IKZF2: variants seen among roughly 807,000 people sequenced by gnomAD.
The protein encoded by IKZF2 is zinc finger protein Helios.
Under a neutral mutation model 49.2 loss-of-function variants are expected in IKZF2, and 15 were observed. That is an observed-to-expected ratio of 0.30 (90% CI 0.20 to 0.47). IKZF2 has a LOEUF of 0.47. IKZF2 is among the 20% of genes least tolerant of loss of function. The pLI, the probability that IKZF2 is intolerant of heterozygous loss-of-function variation, is 1.00. For synonymous variants in IKZF2, 227 were observed against 221.4 expected (o/e 1.03, Z -0.23); for missense variants, 567 against 664.6 (o/e 0.85, Z 1.61).
rs71744347 is a variant in IKZF2, at chr2:213,005,193, G to GA, written c.*2166_*2167insT. On this transcript the variant is annotated 3_prime_UTR_variant, in exon 9 of 9. Transcript: ENST00000434687. Reference sequence around the variant, plus strand: ...ATTATTATTTGGGAGTGGTTGGGTGGGGGGGGGTGAGCGAGTCTCAAAAAC... The same window carrying GA: ...ATTATTATTTGGGAGTGGTTGGGTGGAGGGGGGGTGAGCGAGTCTCAAAAAC... The GA allele has an allele frequency of 7.4e-6, 1 of 135,190 alleles. No individual in the cohort carries two copies. Among genetic ancestry groups the GA allele is most frequent in the Non-Finnish European group, 1.6e-5 (1 of 62,028 alleles). 8.4% of individuals were successfully genotyped at this position (135,190 alleles called of 1,614,324 possible).
At chr2:213,026,932 G>T (rs746845143) in intron 6 of IKZF2, among the ~76,000 whole-genome samples, 24 of 151,800 alleles carry the variant, frequency 1.6e-4, no homozygotes, top group Non-Finnish European at 2.5e-4. Flanking sequence ...CTTTTATTAC[G>T]TTAATGATTA....
intron 4 of IKZF2, among the ~76,000 whole-genome samples, chr2:213,135,283 T>G (rs2060616899): frequency 6.6e-6 from 1 of 152,240 alleles, no homozygotes; most frequent in East Asian, 1.9e-4. Context: ...AATATTGATA[T>G]GTCATTTTAA....
In IKZF2 at chr2:213,101,570, A is replaced by G. The variant is rs148312320; in HGVS notation, c.140-44471T>C. Among the ~76,000 whole-genome samples the G allele has an allele frequency of 7.0e-4, 106 of 152,166 alleles. 1 individual carries two copies. In the East Asian group the frequency reaches 0.019, roughly 28 times the overall value. On this transcript the variant is annotated intron_variant, in intron 4 of 8. Coordinates refer to ENST00000434687, the MANE Select transcript of IKZF2 (RefSeq NM_001387220.1). Reference sequence around the variant, plus strand: ...GAGATTACAAAAAAAAAATTAGTTCAAATGAAGGAAATCCTTACCTAGGCT... The same window carrying G: ...GAGATTACAAAAAAAAAATTAGTTCGAATGAAGGAAATCCTTACCTAGGCT...
At position 213,060,439 on chromosome 2, in the gene IKZF2, A is replaced by G. The variant is rs558828647; in HGVS notation, c.140-3340T>C. On this transcript the variant is annotated intron_variant, in intron 4 of 8. Coordinates refer to ENST00000434687, the MANE Select transcript of IKZF2 (RefSeq NM_001387220.1). ...ATTCAGAGTGCTTTACTTTTCAAAT[A>G]TTTGAAATTAGATTTATATGAAATT... 2.0e-5 allele frequency among the ~76,000 whole-genome samples: 3 copies of G among 151,578 alleles called. No individual in the cohort carries two copies. In the East Asian group the frequency reaches 5.8e-4, roughly 29 times the overall value.
At chr2:213,054,645 G>A (rs1345917518) in intron 5 of IKZF2, among the ~76,000 whole-genome samples, 2 of 152,074 alleles carry the variant, frequency 1.3e-5, no homozygotes, top group African/African-American at 4.8e-5. Flanking sequence ...CTCCGTAAAT[G>A]GCTATTAACT....
At chr2:213,026,321 C>T (rs1234895510) in intron 6 of IKZF2, among the ~76,000 whole-genome samples, 1 of 152,150 alleles carries the variant, frequency 6.6e-6, no homozygotes, top group East Asian at 1.9e-4. Flanking sequence ...TATTGACCCT[C>T]ATGCTTAGAA....
chr2:213,048,148 C>T (rs1174796010), intron 6 of IKZF2, among the ~76,000 whole-genome samples: 1 of 152,008 alleles, frequency 6.6e-6, no homozygotes, highest in Non-Finnish European at 1.5e-5. Context: ...CCAATAGGGA[C>T]TCCATTAAAC....
At chr2:213,026,166 T>C (rs748739069) in intron 6 of IKZF2, among the ~76,000 whole-genome samples, 12 of 152,128 alleles carry the variant, frequency 7.9e-5, no homozygotes, top group Non-Finnish European at 1.8e-4. Flanking sequence ...AAAATTACTT[T>C]ACACCTACAC....
chr2:213,139,266 T>C (rs2060787181), intron 4 of IKZF2, among the ~76,000 whole-genome samples: 1 of 151,976 alleles, frequency 6.6e-6, no homozygotes, highest in South Asian at 2.1e-4. Flanking sequence ...AGAAGTATTT[T>C]GGTTGAACTA....
intron 5 of IKZF2, among the ~76,000 whole-genome samples, chr2:213,055,015 C>T (rs1017532494): frequency 8.5e-5 from 13 of 152,074 alleles, no homozygotes; most frequent in African/African-American, 2.9e-4. Context: ...AAACTGTACT[C>T]TGGTTCTTTG....
chr2:213,000,705 T>G lies in IKZF2; in HGVS notation c.*6655A>C, dbSNP rs1488770262. The G allele has an allele frequency of 6.6e-6, 1 of 151,818 alleles. No individual in the cohort carries two copies. The highest frequency in any genetic ancestry group is 1.5e-5 in the Non-Finnish European group (1 of 67,602). The allele number at this position is 151,818 out of a possible 1,614,324, so 9.4% of individuals were successfully genotyped here. ...TTTTAAAAAAAATTTCTCCAATAGG[T>G]GATATGTAAGTGTTTAAAACTCAGC... On this transcript the variant is annotated 3_prime_UTR_variant, in exon 9 of 9. Transcript: ENST00000434687.
chr2:213,145,023 C>T (rs2061000752), intron 4 of IKZF2, among the ~76,000 whole-genome samples: 1 of 151,722 alleles, frequency 6.6e-6, no homozygotes, highest in Non-Finnish European at 1.5e-5. Flanking sequence ...CAGCAAGTTG[C>T]ACAGAAACCC....
intron 6 of IKZF2, among the ~76,000 whole-genome samples, chr2:213,030,719 G>C (rs1024898164): frequency 2.7e-5 from 4 of 150,852 alleles, no homozygotes; most frequent in Non-Finnish European, 5.9e-5. Context: ...TATTAATTTC[G>C]CAAGTAAATA....
chr2:213,073,707 A>G (rs1320606101), intron 4 of IKZF2, among the ~76,000 whole-genome samples: 2 of 152,230 alleles, frequency 1.3e-5, no homozygotes, highest in African/African-American at 4.8e-5. Flanking sequence ...ACTTATGAAT[A>G]ACATAATTTT....
In IKZF2 at chr2:213,007,781, A is replaced by C. The variant is rs1239784786; in HGVS notation, c.1160T>G (p.Ile387Ser). 7 of 1,613,488 alleles carry C rather than the reference A, an allele frequency of 4.3e-6. No individual in the cohort carries two copies. Among genetic ancestry groups the C allele is most frequent in the Non-Finnish European group, 5.9e-6 (7 of 1,179,760 alleles). The stretch of plus-strand genomic sequence containing the variant: ...TTCCTGGGGTCGACTCTTTGGTCTG[A>C]TGAGAGAGATGGGGCCATCCATGTT... ...ENNMDGPISLIRPKSRPQERE... is the reference protein window; with the variant it reads ...ENNMDGPISLSRPKSRPQERE... The change falls in exon 9 of 9, where the codon ATC (isoleucine) becomes AGC (serine). Residue 387 changes from isoleucine to serine, a missense_variant. By Grantham distance (142) the Ile-to-Ser change is moderately radical (BLOSUM62 -2). Around this residue, in one of 5 missense-constraint regions of IKZF2, gnomAD observed 310 missense variants for 326.9 expected, o/e 0.95. Coordinates refer to ENST00000434687, the MANE Select transcript of IKZF2 (RefSeq NM_001387220.1).
intron 7 of IKZF2, among the ~76,000 whole-genome samples, chr2:213,017,288 C>A (rs1423227548): frequency 1.3e-5 from 2 of 152,114 alleles, no homozygotes; most frequent in African/African-American, 4.8e-5. Context: ...ATGGATCCTG[C>A]ATCTTTGTTT....
At chr2:213,106,650 AAAAAAAG>A (rs2059540449) in intron 4 of IKZF2, among the ~76,000 whole-genome samples, 2 of 151,714 alleles carry the variant, frequency 1.3e-5, no homozygotes, top group Admixed American at 6.6e-5. Context: ...TCTAAAAAAA[AAAAAAAG>A]AAAAAAGAAA....
At chr2:213,140,949 T>C (rs945412542) in intron 4 of IKZF2, among the ~76,000 whole-genome samples, 1 of 152,044 alleles carries the variant, frequency 6.6e-6, no homozygotes, top group Admixed American at 6.6e-5. Flanking sequence ...GGAAAATTCA[T>C]ACTTCAGTCT....
chr2:213,112,378 T>C (rs891153006), intron 4 of IKZF2, among the ~76,000 whole-genome samples: 1 of 144,476 alleles, frequency 6.9e-6, no homozygotes, highest in Non-Finnish European at 1.5e-5. Flanking sequence ...ACTATATACA[T>C]ATGTCTATGT....
Sources: gnomAD v4.1 joint callset for allele counts (sites outside exome capture counted in the v4.1 genomes callset) on GRCh38, gnomAD v4.1.1 for gene constraint, gnomAD v4.1.1 regional missense constraint, MANE v1.5 for transcripts, NCBI Gene and HGNC (gene_info 2026-07-23, HGNC 2026-07-21) for gene names.